Variants in DERA observed in about 807,000 individuals in gnomAD.
DERA encodes 2-deoxy-D-ribose 5-phosphate aldolase.
DERA carries 15 observed loss-of-function variants against 41.1 expected under a neutral mutation model. That is an observed-to-expected ratio of 0.37 (90% CI 0.24 to 0.56). The LOEUF (loss-of-function observed/expected upper bound fraction) is 0.56, where lower values mean the gene tolerates loss of function less well. DERA is among the 20% of genes least tolerant of loss of function. The pLI, the probability that DERA is intolerant of heterozygous loss-of-function variation, is 0.81. For missense variants in DERA, 396 were observed against 403.4 expected, an observed-to-expected ratio of 0.98 and a Z score of 0.16; for synonymous variants, 139 against 137.4, an observed-to-expected ratio of 1.01 and a Z score of -0.08.
chr12:15,986,069 T>C (rs1948762318), intron 6 of DERA, among the ~76,000 whole-genome samples: 1 of 152,170 alleles, frequency 6.6e-6, no homozygotes, highest in Non-Finnish European at 1.5e-5. Flanking sequence ...GTTTACCTGT[T>C]GAAGTAGCAC....
Position 16,021,417 on chromosome 12 carries a change from C to T in DERA, c.638-11125C>T, listed in dbSNP as rs1043130915. 3.3e-5 allele frequency among the ~76,000 whole-genome samples: 5 copies of T among 152,196 alleles called. No individual in the cohort carries two copies. The highest frequency in any genetic ancestry group is 1.3e-4 in the Admixed American group (2 of 15,280). ...TGCAAGAGTGAAGGGGGTCTGGCAG[C>T]TTCCATGTAGATTTCAGAGGATGTG... is the stretch of plus-strand genomic sequence containing the variant. On this transcript the variant is annotated intron_variant, in intron 6 of 8. Coordinates refer to ENST00000428559, the MANE Select transcript of DERA (RefSeq NM_015954.4). The surrounding 1 kb of genome is among the most constrained non-coding windows in gnomAD (Gnocchi z 5.3).
rs1176498190 is a variant in DERA at position 15,936,858 on chromosome 12, GTCT to G, written c.32-20076_32-20074del. ...TGCATCTTCTGTCTTGTGTTGTCTT[GTCT>G]TGTCTTGTCTTGTCTTGTCTTGTCT... On this transcript the variant is annotated intron_variant, in intron 1 of 8. Transcript: ENST00000428559. The surrounding 1 kb of genome is among the most constrained non-coding windows in gnomAD (Gnocchi z 4.6). 2.6e-4 allele frequency among the ~76,000 whole-genome samples: 34 copies of G among 130,756 alleles called. No homozygotes were observed. The Middle Eastern group carries it at 0.011, about 42-fold the overall frequency. The allele number at this position is 130,756 out of a possible 152,430, so 85.8% of individuals were successfully genotyped here. A position where few individuals can be genotyped will look rare whatever the true frequency, so the allele number is the denominator to read the frequency against.
Position 16,014,978 on chromosome 12 carries a change from C to T in DERA, c.638-17564C>T, listed in dbSNP as rs1948971560. On this transcript the variant is annotated intron_variant, in intron 6 of 8. Coordinates refer to ENST00000428559, the MANE Select transcript of DERA (RefSeq NM_015954.4). The surrounding 1 kb of genome is among the most constrained non-coding windows in gnomAD (Gnocchi z 5.4). Reference sequence around the variant, plus strand: ...TTCAGACTTGCATGGGGCCTGTAGCCACTTCATTTTGGCCAATTTCTCCCA... The same window carrying T: ...TTCAGACTTGCATGGGGCCTGTAGCTACTTCATTTTGGCCAATTTCTCCCA... 6.6e-6 allele frequency among the ~76,000 whole-genome samples: 1 copy of T among 152,084 alleles called. No homozygotes were observed. Among genetic ancestry groups the T allele is most frequent in the Non-Finnish European group, 1.5e-5 (1 of 67,996 alleles).
At position 16,016,940 on chromosome 12, in the gene DERA, T is replaced by C. The variant is rs11056753; in HGVS notation, c.638-15602T>C. ...TTAAGTTTTAAAAGGAAAGGGAACA[T>C]CTGACTTACTGGACATACTCAAGGA... On this transcript the variant is annotated intron_variant, in intron 6 of 8. Transcript: ENST00000428559. Among the ~76,000 whole-genome samples the C allele has an allele frequency of 1.4e-3, 210 of 151,922 alleles. 5 individuals are homozygous for C. In the East Asian group the frequency reaches 0.039, roughly 28 times the overall value.
At chr12:15,949,492 C>G (rs1259459266) in intron 1 of DERA, among the ~76,000 whole-genome samples, 1 of 151,872 alleles carries the variant, frequency 6.6e-6, no homozygotes, top group African/African-American at 2.4e-5. Flanking sequence ...GTGGGACCCT[C>G]TGAGCCGGGC....
chr12:16,034,757 TA>T (rs34073112), intron 7 of DERA, among the ~76,000 whole-genome samples: 33,168 of 146,740 alleles, frequency 0.23, 6,046 homozygotes, highest in African/African-American at 0.51. Context: ...ATATTCTCTT[TA>T]AAAAAAAAAA....
At chr12:15,968,498 G>C (rs950792289) in intron 5 of DERA, among the ~76,000 whole-genome samples, 2 of 152,206 alleles carry the variant, frequency 1.3e-5, no homozygotes, top group African/African-American at 4.8e-5. Context: ...AGTCATTGCT[G>C]GTGTCACAGT....
chr12:16,022,781 A>G (rs1309425242), intron 6 of DERA, among the ~76,000 whole-genome samples: 1 of 152,300 alleles, frequency 6.6e-6, no homozygotes, highest in East Asian at 1.9e-4. Context: ...ACCAAAACCT[A>G]GTAGGAACAC....
rs199912930 is a variant in DERA at position 15,982,263 on chromosome 12, A to G, written c.509-45A>G. ...CTCTAAACGGCTGCCAAGTTATGTT[A>G]TCACTTGCCTGCTTTGTAACTGCCT... On this transcript the variant is annotated intron_variant, in intron 5 of 8. Transcript: ENST00000428559. This position sits in a 1 kb window ranked among gnomAD's most constrained non-coding sequence, Gnocchi z 4.0. The G allele has an allele frequency of 1.0e-5, 16 of 1,583,246 alleles. No individual in the cohort carries two copies. In the South Asian group the frequency reaches 1.6e-4, roughly 16 times the overall value.
intron 1 of DERA, among the ~76,000 whole-genome samples, chr12:15,955,613 A>G (rs1026033177): frequency 6.6e-5 from 10 of 152,220 alleles, no homozygotes; most frequent in African/African-American, 2.4e-4. Context: ...GAGAAAAAGA[A>G]GCACCCAAAC....
At position 15,998,363 on chromosome 12, in the gene DERA, G is replaced by GCT. The variant is rs1322639521; in HGVS notation, c.637+15928_637+15929dup. Among the ~76,000 whole-genome samples the GCT allele has an allele frequency of 6.6e-6, 1 of 152,008 alleles. No homozygotes were observed. Among genetic ancestry groups the GCT allele is most frequent in the African/African-American group, 2.4e-5 (1 of 41,378 alleles). ...GACGGAGTCTAGCTGTGTCGCCCAGGCTAGAGTGCAATGGCCGGATCTTGG... is the reference window on the plus strand; with the variant it reads ...GACGGAGTCTAGCTGTGTCGCCCAGGCTCTAGAGTGCAATGGCCGGATCTTGG... On this transcript the variant is annotated intron_variant, in intron 6 of 8. Transcript: ENST00000428559. This position sits in a 1 kb window ranked among gnomAD's most constrained non-coding sequence, Gnocchi z 4.8.
intron 1 of DERA, among the ~76,000 whole-genome samples, chr12:15,933,775 A>G (rs929079291): frequency 1.3e-5 from 2 of 152,124 alleles, no homozygotes; most frequent in South Asian, 2.1e-4. Flanking sequence ...CTACTAATCT[A>G]TCAGGGCAGG....
At chr12:15,958,628 G>A (rs902788012) in intron 3 of DERA, among the ~76,000 whole-genome samples, 4 of 149,912 alleles carry the variant, frequency 2.7e-5, no homozygotes, top group Non-Finnish European at 4.4e-5. Context: ...TCTGTTTAGT[G>A]ACACTGAAAT....
intron 1 of DERA, among the ~76,000 whole-genome samples, chr12:15,919,970 A>ATGTG (rs10523539): frequency 0.021 from 3,138 of 148,202 alleles, 63 homozygotes; most frequent in East Asian, 0.052. Context: ...TGAGAAAGAA[A>ATGTG]TGTGTGTGTG....
chr12:15,950,005 C>G (rs1361692159), intron 1 of DERA, among the ~76,000 whole-genome samples: 1 of 152,114 alleles, frequency 6.6e-6, no homozygotes, highest in Non-Finnish European at 1.5e-5. Context: ...GCCTACTTTC[C>G]CCTGATTACA....
chr12:15,976,737 T>G lies in DERA; in HGVS notation c.509-5571T>G, dbSNP rs775103835. On this transcript the variant is annotated intron_variant, in intron 5 of 8. Transcript: ENST00000428559. The surrounding 1 kb of genome is among the most constrained non-coding windows in gnomAD (Gnocchi z 4.1). ...TACCTTCCTAACCGTTTTAATACTT[T>G]TATATTTATTGGCAGAATTTGAGAA... is the stretch of plus-strand genomic sequence containing the variant. 6.6e-6 allele frequency among the ~76,000 whole-genome samples: 1 copy of G among 152,212 alleles called. No individual in the cohort carries two copies. The highest frequency in any genetic ancestry group is 1.5e-5 in the Non-Finnish European group (1 of 68,044).
At position 16,017,756 on chromosome 12, in the gene DERA, A is replaced by G. The variant is rs1948992895; in HGVS notation, c.638-14786A>G. On this transcript the variant is annotated intron_variant, in intron 6 of 8. Coordinates refer to ENST00000428559, the MANE Select transcript of DERA (RefSeq NM_015954.4). The surrounding 1 kb of genome is among the most constrained non-coding windows in gnomAD (Gnocchi z 5.5). ...GATTGCAAGTATAAGTTAGTGTCGG[A>G]ATTACCATACGAAACTCTCTTTCTA... Among the ~76,000 whole-genome samples, 1 of 152,200 alleles carries G rather than the reference A, an allele frequency of 6.6e-6. No individual in the cohort carries two copies. Among genetic ancestry groups the G allele is most frequent in the Non-Finnish European group, 1.5e-5 (1 of 68,020 alleles).
chr12:15,967,763 C>T lies in DERA; in HGVS notation c.508+4816C>T, dbSNP rs1242094203. 6.6e-6 allele frequency among the ~76,000 whole-genome samples: 1 copy of T among 152,218 alleles called. No homozygotes were observed. The highest frequency in any genetic ancestry group is 1.5e-5 in the Non-Finnish European group (1 of 68,040). The stretch of plus-strand genomic sequence containing the variant: ...TCCTTCCCTGCCAATCCTTCTGTCA[C>T]TCCTGTCTAGCTGGACATGGAAACG... On this transcript the variant is annotated intron_variant, in intron 5 of 8. Transcript: ENST00000428559. The surrounding 1 kb of genome is among the most constrained non-coding windows in gnomAD (Gnocchi z 4.9).
chr12:15,972,711 G>A lies in DERA; in HGVS notation c.509-9597G>A, dbSNP rs4764235. 0.63 allele frequency: 96,589 copies of A among 154,062 alleles called. 30,613 individuals are homozygous for A. The highest frequency in any genetic ancestry group is 0.82 in the East Asian group (4,338 of 5,286). 9.5% of individuals were successfully genotyped at this position (154,062 alleles called of 1,614,324 possible). ...GTGTGGGGAGTGTGGCCATGGTCCC[G>A]AGCCACCGCAGTCAGTACTGGGGAC... On this transcript the variant is annotated intron_variant, in intron 5 of 8. Coordinates refer to ENST00000428559, the MANE Select transcript of DERA (RefSeq NM_015954.4). This position sits in a 1 kb window ranked among gnomAD's most constrained non-coding sequence, Gnocchi z 4.4.
Sources: gnomAD v4.1 joint callset for allele counts (sites outside exome capture counted in the v4.1 genomes callset) on GRCh38, gnomAD v4.1.1 for gene constraint, Gnocchi (gnomAD v3.1) non-coding constraint, MANE v1.5 for transcripts, NCBI Gene and HGNC (gene_info 2026-07-23, HGNC 2026-07-21) for gene names.